FUT9: variants seen among roughly 807,000 people sequenced by gnomAD.
FUT9 encodes 4-galactosyl-N-acetylglucosaminide 3-alpha-L-fucosyltransferase 9.
FUT9 carries 15 observed loss-of-function variants against 29.7 expected under a neutral mutation model. The observed-to-expected ratio is 0.51, with a 90% CI of 0.34 to 0.78. FUT9 has a LOEUF of 0.78. Among genes scored for constraint, FUT9 ranks in the 30% least tolerant of loss-of-function variants. The probability of loss-of-function intolerance (pLI) is 0.01; values close to 1 mark genes in which losing one functional copy is unlikely to be tolerated. For synonymous variants in FUT9, 169 were observed against 153.7 expected (o/e 1.10, Z -0.74); for missense variants, 319 against 425.4 (o/e 0.75, Z 2.20).
chr6:96,090,105 A>G (rs1771385821), intron 1 of FUT9, among the ~76,000 whole-genome samples: 1 of 152,164 alleles, frequency 6.6e-6, no homozygotes, highest in Admixed American at 6.5e-5. Context: ...ATGGACATAT[A>G]GAGTGCTTAC....
intron 2 of FUT9, among the ~76,000 whole-genome samples, chr6:96,186,021 T>C (rs1773400162): frequency 6.6e-6 from 1 of 152,156 alleles, no homozygotes; most frequent in African/African-American, 2.4e-5. Flanking sequence ...TATTTACTTC[T>C]AAACTCTGCC....
At chr6:96,184,112 A>G (rs977889836) in intron 2 of FUT9, among the ~76,000 whole-genome samples, 1 of 151,940 alleles carries the variant, frequency 6.6e-6, no homozygotes, top group Non-Finnish European at 1.5e-5. Context: ...TATTATTACC[A>G]TTTCAATCTC....
chr6:96,108,124 A>G (rs961414270), intron 1 of FUT9, among the ~76,000 whole-genome samples: 2 of 151,436 alleles, frequency 1.3e-5, no homozygotes, highest in Non-Finnish European at 2.9e-5. Flanking sequence ...ATTCATTCTC[A>G]CTTGGCTTTG....
intron 1 of FUT9, among the ~76,000 whole-genome samples, chr6:96,029,424 A>C (rs557475367): frequency 6.6e-6 from 1 of 151,598 alleles, no homozygotes; most frequent in South Asian, 2.1e-4. Context: ...ATTGGCTGCC[A>C]CTTCAGATAA....
intron 1 of FUT9, among the ~76,000 whole-genome samples, chr6:96,071,418 T>G (rs1771056358): frequency 6.6e-6 from 1 of 152,200 alleles, no homozygotes; most frequent in African/African-American, 2.4e-5. Flanking sequence ...AAATTAAGAA[T>G]TTATAACAAT....
intron 2 of FUT9, among the ~76,000 whole-genome samples, chr6:96,194,483 C>T (rs1363181851): frequency 2.6e-5 from 4 of 152,064 alleles, no homozygotes; most frequent in Non-Finnish European, 5.9e-5. Flanking sequence ...AATTGATAGA[C>T]ATTTGACCTA....
rs1207260135 is a variant in FUT9 at position 96,209,782 on chromosome 6, A to G, written c.*5547A>G. On this transcript the variant is annotated 3_prime_UTR_variant, in exon 3 of 3. Coordinates refer to ENST00000302103, the MANE Select transcript of FUT9 (RefSeq NM_006581.4). ...GCTTTCTGTCAGTTTTACTCAAAGCATGCTTCCTAGGTCACCTGACCTAGA... is the reference window on the plus strand; with the variant it reads ...GCTTTCTGTCAGTTTTACTCAAAGCGTGCTTCCTAGGTCACCTGACCTAGA... 1 of 166,818 alleles carries G rather than the reference A, an allele frequency of 6.0e-6. No homozygotes were observed. The highest frequency in any genetic ancestry group is 1.5e-5 in the Non-Finnish European group (1 of 68,044). The allele number at this position is 166,818 out of a possible 1,614,324, so 10.3% of individuals were successfully genotyped here. A position where few individuals can be genotyped will look rare whatever the true frequency, so the allele number is the denominator to read the frequency against.
At chr6:96,120,891 T>C (rs897031470) in intron 2 of FUT9, among the ~76,000 whole-genome samples, 1 of 151,954 alleles carries the variant, frequency 6.6e-6, no homozygotes, top group Non-Finnish European at 1.5e-5. Flanking sequence ...TATAGATGGA[T>C]GCACGGGTGG....
intron 2 of FUT9, among the ~76,000 whole-genome samples, chr6:96,122,891 A>C (rs1048923865): frequency 5.3e-5 from 8 of 151,842 alleles, no homozygotes; most frequent in African/African-American, 1.9e-4. Context: ...CTAAAAATAC[A>C]AAAAAATAGC....
intron 1 of FUT9, among the ~76,000 whole-genome samples, chr6:96,113,761 G>A (rs954134711): frequency 3.3e-5 from 5 of 151,590 alleles, no homozygotes; most frequent in African/African-American, 4.8e-5. Flanking sequence ...GGCTGAGGCC[G>A]GAGAATGTCG....
intron 1 of FUT9, among the ~76,000 whole-genome samples, chr6:96,106,458 GT>G (rs1771688106): frequency 6.6e-6 from 1 of 151,942 alleles, no homozygotes; most frequent in African/African-American, 2.4e-5. Context: ...GTCACCAACT[GT>G]CTGACCCTGG....
intron 2 of FUT9, among the ~76,000 whole-genome samples, chr6:96,120,052 T>C (rs968938117): frequency 2.0e-5 from 3 of 152,106 alleles, no homozygotes; most frequent in Non-Finnish European, 4.4e-5. Flanking sequence ...TCTGTTACAA[T>C]ACATAAATAT....
chr6:96,023,967 C>T (rs999645395), intron 1 of FUT9, among the ~76,000 whole-genome samples: 4 of 151,876 alleles, frequency 2.6e-5, no homozygotes, highest in African/African-American at 9.7e-5. Context: ...TTGTGATAAT[C>T]TCCCCAGGCA....
chr6:96,198,345 T>C (rs1009556123), intron 2 of FUT9, among the ~76,000 whole-genome samples: 1 of 145,564 alleles, frequency 6.9e-6, no homozygotes, highest in Admixed American at 7.0e-5. Context: ...TCAATTCCCA[T>C]CTATGAGTGA....
At chr6:96,143,410 C>G (rs1452386201) in intron 2 of FUT9, among the ~76,000 whole-genome samples, 3 of 152,156 alleles carry the variant, frequency 2.0e-5, no homozygotes, top group Non-Finnish European at 2.9e-5. Context: ...TGCTTAGTGG[C>G]ATAACTCATC....
At chr6:96,060,361 G>A (rs1770851345) in intron 1 of FUT9, among the ~76,000 whole-genome samples, 1 of 152,030 alleles carries the variant, frequency 6.6e-6, no homozygotes, top group Non-Finnish European at 1.5e-5. Context: ...TAATTATACA[G>A]CATAAAACAT....
chr6:96,207,230 T>C lies in FUT9; in HGVS notation c.*2995T>C, dbSNP rs550876069. The C allele has an allele frequency of 0.013, 2,114 of 161,536 alleles. 25 individuals carry two copies. Among genetic ancestry groups the C allele is most frequent in the African/African-American group, 0.035 (1,442 of 40,866 alleles). 10.0% of individuals were successfully genotyped at this position (161,536 alleles called of 1,614,324 possible). A position where few individuals can be genotyped will look rare whatever the true frequency, so the allele number is the denominator to read the frequency against. On this transcript the variant is annotated 3_prime_UTR_variant, in exon 3 of 3. Coordinates refer to ENST00000302103, the MANE Select transcript of FUT9 (RefSeq NM_006581.4). ...TTCAAGACACACATTCACACACACA[T>C]ACACACACACACACACACACCCCAC...
chr6:96,101,553 A>G (rs1324466536), intron 1 of FUT9, among the ~76,000 whole-genome samples: 1 of 152,034 alleles, frequency 6.6e-6, no homozygotes, highest in East Asian at 1.9e-4. Flanking sequence ...TGTCTTAAAA[A>G]AAAAAGAACA....
intron 2 of FUT9, among the ~76,000 whole-genome samples, chr6:96,166,282 T>G (rs1445817224): frequency 6.6e-6 from 1 of 152,236 alleles, no homozygotes; most frequent in East Asian, 1.9e-4. Context: ...TAATGTAATG[T>G]TAGACCTGAG....
Sources: allele counts gnomAD v4.1 joint callset (sites outside exome capture counted in the v4.1 genomes callset), GRCh38; gene constraint gnomAD v4.1.1; transcripts MANE v1.5; gene names NCBI Gene and HGNC (gene_info 2026-07-23, HGNC 2026-07-21).